The following ITGA8 variants were observed in gnomAD, a reference collection of about 807,000 sequenced individuals.
ITGA8 encodes integrin subunit alpha 8, also known as integrin alpha-8.
A neutral mutation model predicts 142.3 loss-of-function variants in ITGA8; 91 were observed. The observed-to-expected ratio is 0.64, with a 90% confidence interval of 0.54 to 0.76. The LOEUF is 0.76. Ranked by LOEUF, ITGA8 falls within the 30% of genes least tolerant of loss-of-function variation. The pLI, the probability that ITGA8 is intolerant of heterozygous loss-of-function variation, is 0.00. For synonymous variants in ITGA8, 505 were observed against 485.2 expected (o/e 1.04, Z -0.54); for missense variants, 1,406 against 1,327.7 (o/e 1.06, Z -0.92).
In ITGA8 at chr10:15,632,560, T is replaced by C. The variant is rs11253586; in HGVS notation, c.1399+11470A>G. On this transcript the variant is annotated intron_variant, in intron 13 of 29. Coordinates refer to ENST00000378076, the MANE Select transcript of ITGA8 (RefSeq NM_003638.3). Reference sequence around the variant, plus strand: ...GGAAAGACATCCCACAAACAGGAGATTAGTGTATTTGTAAGTGACTGGGCA... The same window carrying C: ...GGAAAGACATCCCACAAACAGGAGACTAGTGTATTTGTAAGTGACTGGGCA... Among the ~76,000 whole-genome samples, 809 of 152,204 alleles carry C rather than the reference T, an allele frequency of 5.3e-3. 9 individuals carry two copies. Among genetic ancestry groups the C allele is most frequent in the African/African-American group, 0.019 (775 of 41,524 alleles).
In ITGA8 at chr10:15,559,949, G is replaced by A. The variant is rs72779948; in HGVS notation, c.2638-1747C>T. Among the ~76,000 whole-genome samples, 845 of 152,202 alleles carry A rather than the reference G, an allele frequency of 5.6e-3. 4 individuals carry two copies. Among genetic ancestry groups the A allele is most frequent in the Admixed American group, 9.4e-3 (143 of 15,290 alleles). ...GCACATGTTTACCTATGTAATAAAC[G>A]TGCACATCCTTCACAGGTACCCCAA... On this transcript the variant is annotated intron_variant, in intron 25 of 29. Transcript: ENST00000378076.
intron 28 of ITGA8, among the ~76,000 whole-genome samples, chr10:15,523,982 G>A (rs896377656): frequency 5.3e-5 from 8 of 152,062 alleles, no homozygotes; most frequent in African/African-American, 1.9e-4. Flanking sequence ...TTTCTCTGAT[G>A]TCAGGATTAT....
At chr10:15,543,903 G>T (rs893482569) in intron 27 of ITGA8, among the ~76,000 whole-genome samples, 14 of 152,088 alleles carry the variant, frequency 9.2e-5, no homozygotes, top group African/African-American at 3.1e-4. Flanking sequence ...GAAGACACAG[G>T]GACACAGAGA....
chr10:15,642,985 T>G (rs1833898237), intron 13 of ITGA8, among the ~76,000 whole-genome samples: 2 of 152,186 alleles, frequency 1.3e-5, no homozygotes, highest in Non-Finnish European at 2.9e-5. Flanking sequence ...ATTAATGACT[T>G]CTAAGTATTT....
chr10:15,640,631 A>G (rs552119736), intron 13 of ITGA8, among the ~76,000 whole-genome samples: 11 of 152,222 alleles, frequency 7.2e-5, no homozygotes, highest in African/African-American at 2.6e-4. Context: ...ACATCACAAG[A>G]CTGCAGCTCA....
chr10:15,695,439 T>C (rs898976512), intron 2 of ITGA8, among the ~76,000 whole-genome samples: 1 of 152,230 alleles, frequency 6.6e-6, no homozygotes, highest in African/African-American at 2.4e-5. Flanking sequence ...GGGTTGACTC[T>C]GAAGGTGCGC....
intron 22 of ITGA8, among the ~76,000 whole-genome samples, chr10:15,588,268 A>G (rs1025504287): frequency 6.6e-6 from 1 of 152,188 alleles, no homozygotes; most frequent in African/African-American, 2.4e-5. Context: ...CCGATTGTAT[A>G]TAATGATAAG....
chr10:15,580,064 TAAAAC>T (rs1023758897), intron 23 of ITGA8, among the ~76,000 whole-genome samples: 9 of 86,834 alleles, frequency 1.0e-4, no homozygotes, highest in African/African-American at 4.1e-4. Flanking sequence ...GAAAAATTAA[TAAAAC>T]AAAAAGCAGA....
intron 10 of ITGA8, among the ~76,000 whole-genome samples, chr10:15,657,064 C>A (rs1365727104): frequency 2.6e-5 from 4 of 152,170 alleles, no homozygotes; most frequent in Non-Finnish European, 5.9e-5. Flanking sequence ...GAAATTCTTT[C>A]TCTTGATGTG....
At chr10:15,604,391 C>G (rs542164789) in intron 19 of ITGA8, 36 bp from the exon 20 acceptor site, 1 of 1,530,614 alleles carries the variant, frequency 6.5e-7, no homozygotes, top group African/African-American at 1.4e-5. Context: ...ATTAGGTACT[C>G]TACTTCTTGG....
intron 13 of ITGA8, among the ~76,000 whole-genome samples, chr10:15,628,467 G>A (rs867253433): frequency 1.2e-4 from 18 of 150,376 alleles, no homozygotes; most frequent in African/African-American, 4.4e-4. Context: ...CGAGTAGCTG[G>A]GACTACAGGC....
At chr10:15,554,579 AC>A (rs766707274) in intron 26 of ITGA8, among the ~76,000 whole-genome samples, 27 of 152,234 alleles carry the variant, frequency 1.8e-4, no homozygotes, top group Non-Finnish European at 2.6e-4. Context: ...ATGCACATGC[AC>A]CCAGGTCCCA....
In ITGA8 at chr10:15,515,769, T is replaced by C. The variant is rs1159896935; in HGVS notation, c.*1389A>G. ...TATAAATTTGGCTGGTCAATTTTAC[T>C]TCAAAAATGATAATATTACAAGATT... On this transcript the variant is annotated 3_prime_UTR_variant, in exon 30 of 30. Transcript: ENST00000378076. The C allele has an allele frequency of 6.6e-6, 1 of 152,176 alleles. No homozygotes were observed. Among genetic ancestry groups the C allele is most frequent in the East Asian group, 1.9e-4 (1 of 5,198 alleles). 9.4% of individuals were successfully genotyped at this position (152,176 alleles called of 1,614,324 possible). A position where few individuals can be genotyped will look rare whatever the true frequency, so the allele number is the denominator to read the frequency against.
chr10:15,536,129 C>T (rs1230833074), intron 27 of ITGA8, among the ~76,000 whole-genome samples: 1 of 152,074 alleles, frequency 6.6e-6, no homozygotes, highest in Non-Finnish European at 1.5e-5. Flanking sequence ...ACACTCATCG[C>T]GAGGGTCTGC....
chr10:15,595,245 A>G (rs538400285), intron 21 of ITGA8, among the ~76,000 whole-genome samples: 1 of 152,342 alleles, frequency 6.6e-6, no homozygotes, highest in South Asian at 2.1e-4. Flanking sequence ...AGATAGAACT[A>G]AACATTCCTG....
chr10:15,517,161 T>C lies in ITGA8; in HGVS notation c.3189A>G (p.Ala1063=), dbSNP rs142568425. ...TTGGTCTTCTTTTTTTTTCTTGTCA[T>C]GCCTCAGGGGTCTTGTCATTTGTCA... The part of the protein sequence containing the change: ...EQLTNDKTPE[A] Residue 1063 remains alanine, a synonymous_variant, in exon 30 of 30, where the codon GCA becomes GCG. Transcript: ENST00000378076. 559 of 1,610,116 alleles carry C rather than the reference T, an allele frequency of 3.5e-4. No homozygotes were observed. The highest frequency in any genetic ancestry group is 4.6e-4 in the Non-Finnish European group (546 of 1,177,408).
intron 2 of ITGA8, among the ~76,000 whole-genome samples, chr10:15,706,704 T>C (rs1401053119): frequency 2.0e-5 from 3 of 152,180 alleles, no homozygotes; most frequent in African/African-American, 7.2e-5. Context: ...TCTTCCAAAG[T>C]GCTGGGATTA....
chr10:15,704,678 A>G (rs1835225685), intron 2 of ITGA8, among the ~76,000 whole-genome samples: 1 of 152,222 alleles, frequency 6.6e-6, no homozygotes, highest in African/African-American at 2.4e-5. Flanking sequence ...GGAACACAGC[A>G]TGCTTCTGTT....
intron 13 of ITGA8, among the ~76,000 whole-genome samples, chr10:15,639,860 G>A (rs1481015663): frequency 2.6e-5 from 4 of 152,152 alleles, no homozygotes; most frequent in Non-Finnish European, 5.9e-5. Flanking sequence ...CCAAGGTTGC[G>A]AACCCCTGTT....
Sources: gnomAD v4.1 joint callset for allele counts (sites outside exome capture counted in the v4.1 genomes callset) on GRCh38, gnomAD v4.1.1 for gene constraint, MANE v1.5 for transcripts, NCBI Gene and HGNC (gene_info 2026-07-23, HGNC 2026-07-21) for gene names.